Variants in CD109 observed in about 807,000 individuals in gnomAD.
CD109 encodes the protein CD109 antigen.
In CD109, 149 loss-of-function variants were observed where a neutral mutation model predicts 165.8. The observed-to-expected ratio is 0.90, with a 90% CI of 0.79 to 1.03. The LOEUF (loss-of-function observed/expected upper bound fraction) is 1.03. CD109 is among the 50% of genes least tolerant of loss of function. The pLI is 0.00. For synonymous variants in CD109, 585 were observed against 592.1 expected (o/e 0.99, Z 0.18); for missense variants, 1,712 against 1,677.8 (o/e 1.02, Z -0.36).
rs968625641 is a variant in CD109, at chr6:73,762,821, C to T, written c.936C>T (p.Tyr312=). The change falls in exon 9 of 33, where the codon TAC becomes TAT. Residue 312 remains tyrosine (Y), a synonymous_variant. Transcript: ENST00000287097. Reference sequence around the variant, plus strand: ...ATTCTTCAAATGGACTTTCTGAATACCTGGATCTATCTTCCCCTGGACCAG... The same window carrying T: ...ATTCTTCAAATGGACTTTCTGAATATCTGGATCTATCTTCCCCTGGACCAG... ...VMDSSNGLSE[Y]LDLSSPGPVE... is the part of the protein sequence containing the mutation. 6.2e-7 allele frequency: 1 copy of T among 1,612,340 alleles called. No individual in the cohort carries two copies. Among genetic ancestry groups the T allele is most frequent in the Non-Finnish European group, 8.5e-7 (1 of 1,178,826 alleles).
intron 14 of CD109, among the ~76,000 whole-genome samples, 192 bp downstream of exon 14, chr6:73,768,423 A>G (rs929632731): frequency 6.6e-6 from 1 of 152,118 alleles, no homozygotes; most frequent in South Asian, 2.1e-4. Context: ...GTTATTGGGG[A>G]TTGATAGTCT....
chr6:73,808,319 G>T, intron 26 of CD109, 71 bp downstream of exon 26: 2 of 1,494,812 alleles, frequency 1.3e-6, no homozygotes, highest in Non-Finnish European at 9.0e-7. Flanking sequence ...AAAATTTTTA[G>T]CCAGGTTTGA....
At chr6:73,748,015 G>A (rs1006429975) in intron 5 of CD109, among the ~76,000 whole-genome samples, 7 of 151,802 alleles carry the variant, frequency 4.6e-5, no homozygotes, top group African/African-American at 9.7e-5. Flanking sequence ...GAGTACAGGC[G>A]TGTGCCACCA....
chr6:73,817,745 T>C (rs904000339), intron 30 of CD109, among the ~76,000 whole-genome samples: 1 of 152,182 alleles, frequency 6.6e-6, no homozygotes. Context: ...CCAGATCCTT[T>C]GATGCTCACA....
At chr6:73,695,536 T>C (rs1770784583), upstream of CD109, 1 of 126,944 alleles carries the variant, frequency 7.9e-6, no homozygotes, top group East Asian at 2.0e-4. Flanking sequence ...CGAGTTCTCT[T>C]CTTCTTTTTT....
chr6:73,768,072 G>T lies in CD109; in HGVS notation c.1515G>T (p.Gln505His), dbSNP rs376459892. ...ELSYMVVSRGQLVAVGKQNST... is the reference protein window; with the variant it reads ...ELSYMVVSRGHLVAVGKQNST... The stretch of plus-strand genomic sequence containing the variant: ...CTTTTCAGGTAGTATCCAGGGGACA[G>T]TTGGTGGCTGTAGGAAAACAAAATT... Residue 505 changes from glutamine (Q) to histidine (H), a missense_variant, in exon 14 of 33, where the codon CAG becomes CAT. Physicochemically the swap from Gln to His is conservative, Grantham distance 24. Coordinates refer to ENST00000287097, the MANE Select transcript of CD109 (RefSeq NM_133493.5). 5 of 1,613,270 alleles carry T rather than the reference G, an allele frequency of 3.1e-6. No homozygotes were observed. The African/African-American group carries it at 6.7e-5, about 22-fold the overall frequency.
rs767358014 is a variant in CD109, at chr6:73,785,492, C to A, written c.2337+15C>A. The A allele has an allele frequency of 7.2e-6, 10 of 1,389,982 alleles. No individual in the cohort carries two copies. The East Asian group carries it at 2.3e-4, about 32-fold the overall frequency. 86.1% of individuals were successfully genotyped at this position (1,389,982 alleles called of 1,614,324 possible). A position where few individuals can be genotyped will look rare whatever the true frequency, so the allele number is the denominator to read the frequency against. The stretch of plus-strand genomic sequence containing the variant: ...ATGCCACTGAGGTAATGTATTCAAG[C>A]TTTTGTTGATCATTTACACTACAGG... On this transcript the variant is annotated intron_variant, in intron 20 of 32. Transcript: ENST00000287097.
intron 10 of CD109, among the ~76,000 whole-genome samples, chr6:73,765,474 A>G (rs1465088608): frequency 6.6e-6 from 1 of 152,192 alleles, no homozygotes; most frequent in African/African-American, 2.4e-5. Flanking sequence ...AGGATATCCA[A>G]GTAGAAATTT....
chr6:73,771,290 G>T, intron 14 of CD109, 139 bp from the exon 15 acceptor site: 1 of 607,486 alleles, frequency 1.6e-6, no homozygotes, highest in Non-Finnish European at 2.8e-6. Flanking sequence ...CTAGAGAAGG[G>T]TTATGCATGG....
intron 32 of CD109, among the ~76,000 whole-genome samples, chr6:73,822,290 A>G (rs1185444752): frequency 6.6e-6 from 1 of 152,226 alleles, no homozygotes; most frequent in African/African-American, 2.4e-5. Context: ...ACAATGCATG[A>G]GAAGCATGAA....
chr6:73,725,654 A>G (rs1396821210), intron 3 of CD109, among the ~76,000 whole-genome samples: 1 of 151,846 alleles, frequency 6.6e-6, no homozygotes, highest in East Asian at 1.9e-4. Flanking sequence ...GATTACAGGC[A>G]TGCACCACCA....
intron 30 of CD109, among the ~76,000 whole-genome samples, chr6:73,816,917 C>T (rs1436303321): frequency 6.6e-6 from 1 of 152,080 alleles, no homozygotes; most frequent in African/African-American, 2.4e-5. Context: ...TGTAAGGATG[C>T]AGGATTTCCA....
At chr6:73,758,056 G>C (rs965684108) in intron 6 of CD109, among the ~76,000 whole-genome samples, 1 of 152,034 alleles carries the variant, frequency 6.6e-6, no homozygotes, top group Non-Finnish European at 1.5e-5. Flanking sequence ...TGGGGGTTGC[G>C]GGGGCGGGGT....
At chr6:73,809,208 T>G (rs1010923909) in intron 26 of CD109, among the ~76,000 whole-genome samples, 36 of 152,150 alleles carry the variant, frequency 2.4e-4, no homozygotes, top group African/African-American at 8.7e-4. Context: ...CTAGGAAGGT[T>G]GTTGAGTTAG....
At chr6:73,821,670 T>C (rs1023994411) in intron 32 of CD109, among the ~76,000 whole-genome samples, 5 of 152,054 alleles carry the variant, frequency 3.3e-5, no homozygotes, top group Non-Finnish European at 7.4e-5. Context: ...GAGCTGAACA[T>C]TGGGTACACA....
At chr6:73,732,441 T>G (rs1161368943) in intron 4 of CD109, among the ~76,000 whole-genome samples, 1 of 152,242 alleles carries the variant, frequency 6.6e-6, no homozygotes, top group African/African-American at 2.4e-5. Context: ...TGTAATGGAA[T>G]GTTTATAAAG....
At chr6:73,699,546 C>CT (rs200039867) in intron 2 of CD109, among the ~76,000 whole-genome samples, 24 of 151,026 alleles carry the variant, frequency 1.6e-4, no homozygotes, top group South Asian at 4.2e-4. Context: ...ATCAGTCTCT[C>CT]TTTTTTTTTG....
chr6:73,757,121 G>A (rs1773425593), intron 6 of CD109, among the ~76,000 whole-genome samples: 1 of 152,132 alleles, frequency 6.6e-6, no homozygotes, highest in African/African-American at 2.4e-5. Context: ...TAAAAACAGT[G>A]GGACCCATCT....
rs200967977 is a variant in CD109, at chr6:73,787,308, C to T, written c.2412C>T (p.His804=). Residue 804 remains histidine, a synonymous_variant, in exon 21 of 33, where the codon CAC becomes CAT. Transcript: ENST00000287097. ...CAAATGAAATAAATGCCACAGGCCACCAGCAGACCCTTCTGGTTCCCAGTG... is the reference window on the plus strand; with the variant it reads ...CAAATGAAATAAATGCCACAGGCCATCAGCAGACCCTTCTGGTTCCCAGTG... ...MTSNEINATG[H]QQTLLVPSED... 12 of 1,614,000 alleles carry T rather than the reference C, an allele frequency of 7.4e-6. No homozygotes were observed. In the African/African-American group the frequency reaches 1.6e-4, roughly 22 times the overall value.
Sources: gnomAD v4.1 joint callset for allele counts (sites outside exome capture counted in the v4.1 genomes callset) on GRCh38, gnomAD v4.1.1 for gene constraint, MANE v1.5 for transcripts, NCBI Gene and HGNC (gene_info 2026-07-23, HGNC 2026-07-21) for gene names.